Variants in TOX3 observed in about 807,000 individuals in gnomAD.
TOX3 encodes the protein TOX high mobility group box family member 3, also known as CAG trinucleotide repeat-containing gene F9 protein.
In TOX3, 22 loss-of-function variants were observed where a neutral mutation model predicts 64.3. The observed-to-expected ratio is 0.34, with a 90% CI of 0.24 to 0.49. TOX3 has a LOEUF of 0.49. Among genes scored for constraint, TOX3 ranks in the 20% least tolerant of loss-of-function variants. The pLI is 0.99. For synonymous variants in TOX3, 291 were observed against 273.6 expected, an observed-to-expected ratio of 1.06 and a Z score of -0.63; for missense variants, 661 against 714.4, an observed-to-expected ratio of 0.93 and a Z score of 0.85.
chr16:52,477,531 C>G (rs1374175077), intron 1 of TOX3, among the ~76,000 whole-genome samples: 1 of 152,112 alleles, frequency 6.6e-6, no homozygotes, highest in East Asian at 1.9e-4. Flanking sequence ...GTAGGGAGAA[C>G]AAAATTCAGA....
At chr16:52,462,150 T>C (rs1960710184) in intron 3 of TOX3, among the ~76,000 whole-genome samples, 1 of 152,114 alleles carries the variant, frequency 6.6e-6, no homozygotes, top group African/African-American at 2.4e-5. Context: ...ATGAGGTCCA[T>C]GTAAATACCA....
At chr16:52,527,766 T>C (rs1567351965) in intron 1 of TOX3, among the ~76,000 whole-genome samples, 1 of 152,176 alleles carries the variant, frequency 6.6e-6, no homozygotes, top group Non-Finnish European at 1.5e-5. Flanking sequence ...TTTAGATAGA[T>C]GCCCTTTGTA....
At position 52,484,141 on chromosome 16, in the gene TOX3, A is replaced by T. The variant is rs556777587; in HGVS notation, c.88-15567T>A. Among the ~76,000 whole-genome samples the T allele has an allele frequency of 3.9e-5, 6 of 152,352 alleles. No individual in the cohort carries two copies. The South Asian group carries it at 1.2e-3, about 32-fold the overall frequency. Reference sequence around the variant, plus strand: ...GTAATATATTTTAAAAGGAGCCTAAAGTTCATCATACCTTATGGACTCCAA... The same window carrying T: ...GTAATATATTTTAAAAGGAGCCTAATGTTCATCATACCTTATGGACTCCAA... On this transcript the variant is annotated intron_variant, in intron 1 of 6. Coordinates refer to ENST00000219746, the MANE Select transcript of TOX3 (RefSeq NM_001080430.4).
chr16:52,489,111 C>T (rs1205794322), intron 1 of TOX3, among the ~76,000 whole-genome samples: 1 of 152,104 alleles, frequency 6.6e-6, no homozygotes, highest in South Asian at 2.1e-4. Context: ...CATATTCTTC[C>T]ATCTGTGTTC....
Position 52,439,274 on chromosome 16 carries a change from A to G in TOX3, c.1682T>C (p.Ile561Thr), listed in dbSNP as rs774512166. Reference protein sequence around the residue: ...QPASQQHQSQIQSQTQTQVLS... With the variant: ...QPASQQHQSQTQSQTQTQVLS... ...TACTTGAGTCTGTGTCTGAGACTGT[A>G]TTTGCGACTGGTGCTGCTGAGAGGC... Residue 561 changes from isoleucine (I) to threonine (T), a missense_variant, in exon 7 of 7, where the codon ATA (isoleucine) becomes ACA (threonine). By Grantham distance (89) the Ile-to-Thr change is moderately conservative. This residue lies in a region of TOX3 where 299 missense variants were observed against 292.1 expected (regional missense o/e 1.02). Coordinates refer to ENST00000219746, the MANE Select transcript of TOX3 (RefSeq NM_001080430.4). 2.5e-6 allele frequency: 4 copies of G among 1,613,798 alleles called. No individual in the cohort carries two copies. The East Asian group carries it at 8.9e-5, about 36-fold the overall frequency.
chr16:52,438,854 C>G lies in TOX3; in HGVS notation c.*371G>C, dbSNP rs1959833839. ...TCAGATAGCCTGGAAGTGTGGTTTACTCACTTCTGGAGAAATAAGGCCATT... is the reference window on the plus strand; with the variant it reads ...TCAGATAGCCTGGAAGTGTGGTTTAGTCACTTCTGGAGAAATAAGGCCATT... On this transcript the variant is annotated 3_prime_UTR_variant, in exon 7 of 7. Transcript: ENST00000219746. 1 of 497,376 alleles carries G rather than the reference C, an allele frequency of 2.0e-6. No homozygotes were observed. Among genetic ancestry groups the G allele is most frequent in the African/African-American group, 2.0e-5 (1 of 50,636 alleles). 30.8% of individuals were successfully genotyped at this position (497,376 alleles called of 1,614,324 possible).
At chr16:52,523,570 G>A (rs571476908) in intron 1 of TOX3, among the ~76,000 whole-genome samples, 15 of 152,140 alleles carry the variant, frequency 9.9e-5, no homozygotes, top group Non-Finnish European at 1.9e-4. Context: ...CAGGAACCAC[G>A]TTTAACATCA....
At chr16:52,546,103 G>T (rs534083926) in intron 1 of TOX3, among the ~76,000 whole-genome samples, 1 of 152,120 alleles carries the variant, frequency 6.6e-6, no homozygotes, top group Non-Finnish European at 1.5e-5. Context: ...CACCTGCGGG[G>T]TCCCACCACT....
chr16:52,473,143 G>A (rs191461989), intron 1 of TOX3, among the ~76,000 whole-genome samples: 1 of 152,274 alleles, frequency 6.6e-6, no homozygotes, highest in African/African-American at 2.4e-5. Context: ...AATGTGGATT[G>A]TTAAGTCTAG....
intron 3 of TOX3, among the ~76,000 whole-genome samples, chr16:52,460,942 C>T (rs899686897): frequency 6.6e-6 from 1 of 152,182 alleles, no homozygotes; most frequent in African/African-American, 2.4e-5. Flanking sequence ...GACTTCATTA[C>T]AAGTATTGCA....
At chr16:52,453,080 T>C (rs898782774) in intron 3 of TOX3, among the ~76,000 whole-genome samples, 6 of 152,216 alleles carry the variant, frequency 3.9e-5, no homozygotes, top group African/African-American at 1.4e-4. Context: ...CCATGTTCTC[T>C]TGAAGTGTAA....
In TOX3 at chr16:52,439,581, T is replaced by C. The variant is rs767066309; in HGVS notation, c.1375A>G (p.Met459Val). The change falls in exon 7 of 7, where the codon ATG becomes GTG. Residue 459 changes from methionine to valine, a missense_variant. Physicochemically the swap from Met to Val is conservative, Grantham distance 21. Transcript: ENST00000219746. ...QQQQQQQMQQ[M>V]QQQQLQQHQM... ...TGCTGCTGGAGTTGCTGCTGCTGCA[T>C]CTGTTGCATCTGTTGTTGTTGCTGC... The C allele has an allele frequency of 2.5e-6, 4 of 1,578,564 alleles. No homozygotes were observed. The Admixed American group carries it at 5.4e-5, about 21-fold the overall frequency.
intron 2 of TOX3, among the ~76,000 whole-genome samples, chr16:52,466,042 T>C (rs897322338): frequency 1.3e-5 from 2 of 152,222 alleles, no homozygotes; most frequent in African/African-American, 4.8e-5. Flanking sequence ...CATAACCCTA[T>C]GGTTGCATTT....
intron 1 of TOX3, among the ~76,000 whole-genome samples, chr16:52,501,676 ACAAAC>A (rs1403526406): frequency 5.5e-5 from 8 of 146,334 alleles, no homozygotes; most frequent in African/African-American, 2.2e-4. Flanking sequence ...AAACAAACAA[ACAAAC>A]AAAAAAAAAA....
chr16:52,494,949 G>A (rs1277515319), intron 1 of TOX3, among the ~76,000 whole-genome samples: 2 of 152,178 alleles, frequency 1.3e-5, no homozygotes, highest in African/African-American at 4.8e-5. Flanking sequence ...TACCATACAG[G>A]TAGGGGAGAT....
chr16:52,516,395 G>A (rs2160474), intron 1 of TOX3, among the ~76,000 whole-genome samples: 24,457 of 152,126 alleles, frequency 0.16, 2,278 homozygotes, highest in Middle Eastern at 0.25. Flanking sequence ...TCAGTTACAT[G>A]CATTTAGAAA....
In TOX3 at chr16:52,546,820, G is replaced by A; in HGVS notation, c.-97C>T. 6 of 1,274,836 alleles carry A rather than the reference G, an allele frequency of 4.7e-6. No homozygotes were observed. The South Asian group carries it at 1.2e-4, about 27-fold the overall frequency. The allele number at this position is 1,274,836 out of a possible 1,614,324, so 79.0% of individuals were successfully genotyped here. A position where few individuals can be genotyped will look rare whatever the true frequency, so the allele number is the denominator to read the frequency against. ...GCTAGATCCACCGTCGAGGGCGCCC[G>A]GGGGTGGCGCGTGGGACTCGCGGCC... On this transcript the variant is annotated 5_prime_UTR_variant, in exon 1 of 7. Transcript: ENST00000219746.
chr16:52,514,317 CT>C (rs2151474157), intron 1 of TOX3, among the ~76,000 whole-genome samples: 1 of 152,244 alleles, frequency 6.6e-6, no homozygotes, highest in African/African-American at 2.4e-5. Flanking sequence ...TAAATAGACA[CT>C]TTTTTGTTTC....
chr16:52,508,798 C>T (rs1324730772), intron 1 of TOX3, among the ~76,000 whole-genome samples: 1 of 151,976 alleles, frequency 6.6e-6, no homozygotes, highest in African/African-American at 2.4e-5. Flanking sequence ...AATAGGTGAT[C>T]ATTTTATTAC....
Sources: allele counts gnomAD v4.1 joint callset (sites outside exome capture counted in the v4.1 genomes callset), GRCh38; gene constraint gnomAD v4.1.1; regional missense constraint gnomAD v4.1.1; transcripts MANE v1.5; gene names NCBI Gene and HGNC (gene_info 2026-07-23, HGNC 2026-07-21).